PSG3: variants seen among roughly 807,000 people sequenced by gnomAD.
PSG3 encodes pregnancy specific beta-1-glycoprotein 3.
A neutral mutation model predicts 47.5 loss-of-function variants in PSG3; 61 were observed. The observed-to-expected ratio is 1.28, with a 90% CI of 1.05 to 1.59. The LOEUF (loss-of-function observed/expected upper bound fraction) is 1.59. Ranked by LOEUF, PSG3 falls within the 40% of genes most tolerant of loss-of-function variation. PSG3 has a pLI of 0.00. For missense variants in PSG3, 756 were observed against 524.0 expected, an observed-to-expected ratio of 1.44 and a Z score of -4.32; for synonymous variants, 263 against 198.4, an observed-to-expected ratio of 1.33 and a Z score of -2.74.
chr19:42,739,419 T>A, intron 1 of PSG3: 1 of 284,662 alleles, frequency 3.5e-6, no homozygotes, highest in Non-Finnish European at 6.5e-6. Flanking sequence ...TCCTTAGACT[T>A]CTTTCCTGAC....
intron 2 of PSG3, among the ~76,000 whole-genome samples, chr19:42,738,375 T>C (rs938684438): frequency 2.6e-5 from 4 of 152,122 alleles, no homozygotes; most frequent in African/African-American, 9.7e-5. Context: ...CTGAGAGTAT[T>C]TCATGGGGCC....
intron 6 of PSG3, 75 bp downstream of exon 6, chr19:42,723,867 A>T: frequency 1.7e-6 from 2 of 1,202,278 alleles, no homozygotes; most frequent in East Asian, 2.4e-5. Flanking sequence ...AGATACAGGC[A>T]AATAAGTCTT....
chr19:42,725,893 A>G (rs1271357901), intron 5 of PSG3, among the ~76,000 whole-genome samples: 4 of 148,632 alleles, frequency 2.7e-5, no homozygotes, highest in Non-Finnish European at 3.0e-5. Context: ...CAACAACCAA[A>G]AAAAAAAAAA....
intron 5 of PSG3, among the ~76,000 whole-genome samples, chr19:42,728,858 C>T (rs1337468769): frequency 6.6e-6 from 1 of 152,190 alleles, no homozygotes; most frequent in Non-Finnish European, 1.5e-5. Flanking sequence ...CTCTCTGAAT[C>T]CTCTTCTACC....
In PSG3 at chr19:42,740,342, A is replaced by C. The variant is rs762982792; in HGVS notation, c.43T>G (p.Trp15Gly). ...TCACCTGTGAGCAGGAGCCCCTTCCAGGTGATGCGCTGTGTGCAGGGAGGG... is the reference window on the plus strand; with the variant it reads ...TCACCTGTGAGCAGGAGCCCCTTCCCGGTGATGCGCTGTGTGCAGGGAGGG... ...SAPPCTQRIT[W>G]KGLLLTALLL... Residue 15 changes from tryptophan (W) to glycine (G), a missense_variant, in exon 1 of 7, where the codon TGG becomes GGG. Coordinates refer to ENST00000327495, the MANE Select transcript of PSG3 (RefSeq NM_021016.4). The C allele has an allele frequency of 6.2e-7, 1 of 1,613,762 alleles. No homozygotes were observed. The highest frequency in any genetic ancestry group is 8.5e-7 in the Non-Finnish European group (1 of 1,179,850).
At position 42,740,459 on chromosome 19, in the gene PSG3, G is replaced by A; in HGVS notation, c.-75C>T. ...AGAAACTTCCTGAGCATGGCTCTCA[G>A]CTGTGCTGTCCTTCCTCCTTCTGCG... On this transcript the variant is annotated 5_prime_UTR_variant, in exon 1 of 7. Coordinates refer to ENST00000327495, the MANE Select transcript of PSG3 (RefSeq NM_021016.4). 6.2e-7 allele frequency: 1 copy of A among 1,612,760 alleles called. No homozygotes were observed.
intron 6 of PSG3, among the ~76,000 whole-genome samples, chr19:42,722,802 C>A (rs12984276): frequency 0.049 from 7,424 of 152,220 alleles, 257 homozygotes; most frequent in South Asian, 0.13. Flanking sequence ...TCCAGCTGAA[C>A]ATCATTGATT....
At position 42,737,712 on chromosome 19, in the gene PSG3, G is replaced by A. The variant is rs1969589761; in HGVS notation, c.430+1012C>T. ...CAGTAAGCCCTCACTTCTGGTGGAG[G>A]AGAGGGTGGGCCTTTGGCTCCAGAC... On this transcript the variant is annotated intron_variant, in intron 2 of 6. Coordinates refer to ENST00000327495, the MANE Select transcript of PSG3 (RefSeq NM_021016.4). Among the ~76,000 whole-genome samples, 4 of 152,260 alleles carry A rather than the reference G, an allele frequency of 2.6e-5. No individual in the cohort carries two copies. In the South Asian group the frequency reaches 8.3e-4, roughly 32 times the overall value.
At chr19:42,732,442 T>C (rs1969487091) in intron 3 of PSG3, 1 of 468,608 alleles carries the variant, frequency 2.1e-6, no homozygotes. Context: ...AAAATCCTGG[T>C]CTGTGGAAGG....
intron 2 of PSG3, among the ~76,000 whole-genome samples, chr19:42,738,425 C>T (rs1969602913): frequency 1.3e-5 from 2 of 152,188 alleles, no homozygotes; most frequent in Non-Finnish European, 2.9e-5. Context: ...GGGTCTTTCT[C>T]AGGGTCAAAT....
At chr19:42,726,434 G>C (rs1380027714) in intron 5 of PSG3, among the ~76,000 whole-genome samples, 1 of 152,140 alleles carries the variant, frequency 6.6e-6, no homozygotes, top group African/African-American at 2.4e-5. Context: ...AATAAATTCA[G>C]TAATGTTGCA....
chr19:42,733,101 C>T (rs776661458), intron 2 of PSG3, 39 bp from the exon 3 acceptor site: 61 of 1,592,350 alleles, frequency 3.8e-5, no homozygotes, highest in Non-Finnish European at 4.9e-5. Flanking sequence ...CTGTGTGGCA[C>T]CTTTGATTCC....
At chr19:42,740,244 C>T (rs1005586923) in intron 1 of PSG3, 77 bp downstream of exon 1, 12 of 1,612,368 alleles carry the variant, frequency 7.4e-6, no homozygotes, top group African/African-American at 2.7e-5. Context: ...TTTAGAACCC[C>T]AGGAGTCTCT....
intron 5 of PSG3, among the ~76,000 whole-genome samples, chr19:42,727,502 G>T (rs1969396477): frequency 6.6e-6 from 1 of 152,194 alleles, no homozygotes; most frequent in African/African-American, 2.4e-5. Context: ...ATAAGCCCAT[G>T]CAAAGTTCCT....
chr19:42,726,004 T>A (rs1969372715), intron 5 of PSG3, among the ~76,000 whole-genome samples: 1 of 151,564 alleles, frequency 6.6e-6, no homozygotes, highest in African/African-American at 2.4e-5. Flanking sequence ...TTGGATAACC[T>A]AGATGAAGTA....
intron 2 of PSG3, among the ~76,000 whole-genome samples, chr19:42,737,928 T>TG (rs2122197886): frequency 6.6e-6 from 1 of 152,106 alleles, no homozygotes; most frequent in East Asian, 1.9e-4. Flanking sequence ...ACAGTGGAGG[T>TG]TTCACACAAA....
chr19:42,723,003 C>T (rs372819956), intron 6 of PSG3, among the ~76,000 whole-genome samples: 1 of 152,288 alleles, frequency 6.6e-6, no homozygotes, highest in East Asian at 1.9e-4. Flanking sequence ...CTCTATTTCC[C>T]ATCAGATTTC....
chr19:42,738,658 C>G (rs1600391748), intron 2 of PSG3, 66 bp downstream of exon 2: 1 of 1,612,074 alleles, frequency 6.2e-7, no homozygotes, highest in Non-Finnish European at 8.5e-7. Flanking sequence ...CCAGGCCTGA[C>G]AATCCTTTGT....
chr19:42,722,092 T>A lies in PSG3; in HGVS notation c.*41-2A>T, dbSNP rs186571936. 42 of 413,546 alleles carry A rather than the reference T, an allele frequency of 1.0e-4. No homozygotes were observed. In the Middle Eastern group the frequency reaches 2.8e-3, roughly 28 times the overall value. 25.6% of individuals were successfully genotyped at this position (413,546 alleles called of 1,614,324 possible). A position where few individuals can be genotyped will look rare whatever the true frequency, so the allele number is the denominator to read the frequency against. The stretch of plus-strand genomic sequence containing the variant: ...TTGAGGAAGAATGAAAGCAACTGTC[T>A]GGGAATGACAAAGATTTAAAATGAC... On this transcript the variant is annotated splice_acceptor_variant, in intron 6 of 6. Coordinates refer to ENST00000327495, the MANE Select transcript of PSG3 (RefSeq NM_021016.4). LOFTEE classifies it low-confidence loss of function (3UTR_SPLICE).
Sources: allele counts gnomAD v4.1 joint callset (sites outside exome capture counted in the v4.1 genomes callset), GRCh38; gene constraint gnomAD v4.1.1; transcripts MANE v1.5; gene names NCBI Gene and HGNC (gene_info 2026-07-23, HGNC 2026-07-21).